Variants in DPP10 observed in about 807,000 individuals in gnomAD.
DPP10 encodes dipeptidyl peptidase like 10.
A neutral mutation model predicts 120.9 loss-of-function variants in DPP10; 33 were observed. The ratio of observed to expected loss-of-function variants is 0.27; its 90% CI spans 0.21 to 0.37. The LOEUF (loss-of-function observed/expected upper bound fraction) is 0.37. DPP10 is among the 10% of genes least tolerant of loss of function. The pLI, the probability that DPP10 is intolerant of heterozygous loss-of-function variation, is 1.00. For missense variants in DPP10, 816 were observed against 942.8 expected, an observed-to-expected ratio of 0.87 and a Z score of 1.76; for synonymous variants, 337 against 326.1, an observed-to-expected ratio of 1.03 and a Z score of -0.36.
intron 5 of DPP10, among the ~76,000 whole-genome samples, chr2:115,634,974 C>T (rs1007450255): frequency 5.3e-5 from 8 of 152,084 alleles, no homozygotes; most frequent in African/African-American, 1.9e-4. Flanking sequence ...AGGATCCAGC[C>T]TAAAGAGGCA....
intron 1 of DPP10, among the ~76,000 whole-genome samples, chr2:114,683,406 TCCAAGG>T (rs1333119444): frequency 2.6e-5 from 4 of 151,834 alleles, no homozygotes; most frequent in Non-Finnish European, 4.4e-5. Context: ...CCCACTTTAT[TCCAAGG>T]ATAAACTCTT....
chr2:115,138,985 T>C lies in DPP10; in HGVS notation c.61-170254T>C, dbSNP rs542204333. On this transcript the variant is annotated intron_variant, in intron 1 of 25. Coordinates refer to ENST00000410059, the MANE Select transcript of DPP10 (RefSeq NM_020868.6). ...GTAAAAAAAATGAATTGCATGTTGA[T>C]GGTAAAAGAAAACAAACTGCTACAT... Among the ~76,000 whole-genome samples, 277 of 152,276 alleles carry C rather than the reference T, an allele frequency of 1.8e-3. 11 individuals are homozygous for C. In the South Asian group the frequency reaches 0.048, roughly 27 times the overall value.
At chr2:115,520,068 C>G (rs1309736844) in intron 4 of DPP10, among the ~76,000 whole-genome samples, 1 of 152,166 alleles carries the variant, frequency 6.6e-6, no homozygotes, top group Non-Finnish European at 1.5e-5. Flanking sequence ...CCTGCAATCC[C>G]AGCACTTTGG....
At chr2:115,247,888 A>G (rs920440272) in intron 1 of DPP10, among the ~76,000 whole-genome samples, 7 of 152,300 alleles carry the variant, frequency 4.6e-5, no homozygotes, top group Middle Eastern at 3.4e-3. Flanking sequence ...CAACTAGCTA[A>G]TGGTGGCTGT....
At chr2:115,574,860 G>A (rs941437223) in intron 5 of DPP10, among the ~76,000 whole-genome samples, 16 of 152,204 alleles carry the variant, frequency 1.1e-4, no homozygotes, top group East Asian at 5.8e-4. Flanking sequence ...AGTGTTGTCC[G>A]TGGCGGCTTG....
chr2:115,609,723 A>G (rs1558920964), intron 5 of DPP10, among the ~76,000 whole-genome samples: 1 of 152,208 alleles, frequency 6.6e-6, no homozygotes, highest in East Asian at 1.9e-4. Flanking sequence ...TTCAGGAAGA[A>G]TGAGTCATTA....
intron 1 of DPP10, among the ~76,000 whole-genome samples, chr2:115,117,280 A>C (rs1009886573): frequency 1.3e-5 from 2 of 152,196 alleles, no homozygotes; most frequent in African/African-American, 4.8e-5. Flanking sequence ...TGAAAAGGGA[A>C]TTAAGGAGAT....
chr2:115,568,645 T>G (rs2149080870), intron 5 of DPP10, among the ~76,000 whole-genome samples: 1 of 152,138 alleles, frequency 6.6e-6, no homozygotes, highest in East Asian at 1.9e-4. Flanking sequence ...ACTTGGTCGT[T>G]ATTCTAAATC....
chr2:114,769,954 G>T (rs543704022), intron 1 of DPP10, among the ~76,000 whole-genome samples: 1 of 152,082 alleles, frequency 6.6e-6, no homozygotes, highest in Non-Finnish European at 1.5e-5. Flanking sequence ...CTGACTCCAC[G>T]CCTGACACAG....
intron 1 of DPP10, among the ~76,000 whole-genome samples, chr2:114,914,435 G>A (rs773867247): frequency 6.6e-6 from 1 of 152,088 alleles, no homozygotes; most frequent in South Asian, 2.1e-4. Flanking sequence ...TCCCAAACAA[G>A]AATTTTTTTA....
intron 1 of DPP10, among the ~76,000 whole-genome samples, chr2:114,618,780 T>A (rs1267209303): frequency 2.0e-5 from 3 of 152,010 alleles, no homozygotes; most frequent in Non-Finnish European, 4.4e-5. Context: ...TAGCATCAGA[T>A]GTCATCAGTA....
chr2:115,383,644 C>T (rs2066609873), intron 3 of DPP10, among the ~76,000 whole-genome samples: 1 of 152,060 alleles, frequency 6.6e-6, no homozygotes, highest in East Asian at 1.9e-4. Context: ...CTGTGGATAC[C>T]TCTGTTTTGC....
chr2:114,785,963 A>T (rs1247521756), intron 1 of DPP10, among the ~76,000 whole-genome samples: 1 of 152,180 alleles, frequency 6.6e-6, no homozygotes, highest in African/African-American at 2.4e-5. Flanking sequence ...CCAAGAAGTA[A>T]GATTTAAAAA....
intron 1 of DPP10, among the ~76,000 whole-genome samples, chr2:115,169,274 T>G (rs142779666): frequency 6.6e-6 from 1 of 152,296 alleles, no homozygotes; most frequent in East Asian, 1.9e-4. Flanking sequence ...TTATTGCATC[T>G]GGCTCAAGCT....
intron 3 of DPP10, among the ~76,000 whole-genome samples, chr2:115,492,285 G>A (rs13028730): frequency 6.6e-6 from 1 of 152,086 alleles, no homozygotes; most frequent in Admixed American, 6.6e-5. Flanking sequence ...TGGTAAAAAA[G>A]ATCACTCTTG....
chr2:115,594,717 C>A (rs2082885692), intron 5 of DPP10, among the ~76,000 whole-genome samples: 1 of 152,068 alleles, frequency 6.6e-6, no homozygotes, highest in African/African-American at 2.4e-5. Context: ...TGATGATAAA[C>A]CACTTTTTGA....
intron 1 of DPP10, among the ~76,000 whole-genome samples, chr2:114,936,716 G>C (rs149085637): frequency 6.6e-6 from 1 of 152,020 alleles, no homozygotes; most frequent in African/African-American, 2.4e-5. Context: ...TTACAGTGTA[G>C]AGGTATTAAC....
chr2:115,654,071 T>C (rs865887196), intron 5 of DPP10, among the ~76,000 whole-genome samples: 6 of 151,860 alleles, frequency 4.0e-5, no homozygotes, highest in African/African-American at 1.4e-4. Flanking sequence ...TGTATCTAAT[T>C]ATATCAGAAA....
intron 1 of DPP10, among the ~76,000 whole-genome samples, chr2:114,695,124 T>C (rs1454821813): frequency 1.3e-5 from 2 of 152,006 alleles, no homozygotes; most frequent in African/African-American, 4.8e-5. Flanking sequence ...ATTTCCAAAC[T>C]GTTGTTCAGA....
Sources: allele counts gnomAD v4.1 joint callset (sites outside exome capture counted in the v4.1 genomes callset), GRCh38; gene constraint gnomAD v4.1.1; transcripts MANE v1.5; gene names NCBI Gene and HGNC (gene_info 2026-07-23, HGNC 2026-07-21).